CSMD3: variants seen among roughly 807,000 people sequenced by gnomAD.
The protein encoded by CSMD3 is CUB and sushi domain-containing protein 3.
CSMD3 carries 177 observed loss-of-function variants against 435.2 expected under a neutral mutation model. The observed-to-expected ratio is 0.41, with a 90% CI of 0.36 to 0.46. The LOEUF (loss-of-function observed/expected upper bound fraction) is 0.46. CSMD3 is among the 20% of genes least tolerant of loss of function. The pLI, the probability that CSMD3 is intolerant of heterozygous loss-of-function variation, is 0.34. For synonymous variants in CSMD3, 1,656 were observed against 1,520.5 expected (o/e 1.09, Z -2.07); for missense variants, 4,265 against 4,504.6 (o/e 0.95, Z 1.52).
At chr8:113,133,182 A>G (rs927818949) in intron 4 of CSMD3, among the ~76,000 whole-genome samples, 2 of 152,160 alleles carry the variant, frequency 1.3e-5, no homozygotes, top group African/African-American at 4.8e-5. Context: ...GAAATTGATA[A>G]CAAGAGTTTT....
intron 7 of CSMD3, 63 bp downstream of exon 7, chr8:112,975,774 A>G (rs2130930504): frequency 6.2e-7 from 1 of 1,609,904 alleles, no homozygotes; most frequent in East Asian, 2.2e-5. Context: ...TCTAATTAGA[A>G]TCATTACCAA....
intron 2 of CSMD3, among the ~76,000 whole-genome samples, chr8:113,300,763 T>C (rs1157922106): frequency 2.6e-5 from 4 of 152,052 alleles, no homozygotes; most frequent in Non-Finnish European, 4.4e-5. Context: ...GTGATGGGAT[T>C]ATATGTATCC....
chr8:112,934,136 T>G (rs1446260205), intron 9 of CSMD3, among the ~76,000 whole-genome samples: 1 of 152,100 alleles, frequency 6.6e-6, no homozygotes, highest in African/African-American at 2.4e-5. Flanking sequence ...CTAGTTTAAA[T>G]GCAGTCATGA....
chr8:113,093,856 A>G (rs2090081996), intron 5 of CSMD3, among the ~76,000 whole-genome samples: 3 of 152,170 alleles, frequency 2.0e-5, no homozygotes, highest in Admixed American at 2.0e-4. Flanking sequence ...ATAACATTAC[A>G]TAGATTTTCT....
intron 22 of CSMD3, 36 bp from the exon 23 acceptor site, chr8:112,587,271 T>C (rs147304987): frequency 3.9e-5 from 56 of 1,446,820 alleles, no homozygotes; most frequent in Middle Eastern, 1.9e-4. Context: ...TACAGTTTAA[T>C]AGATAGCAGT....
chr8:113,249,944 T>G (rs2132292725), intron 3 of CSMD3, among the ~76,000 whole-genome samples: 1 of 152,204 alleles, frequency 6.6e-6, no homozygotes, highest in South Asian at 2.1e-4. Context: ...AACAGACTAA[T>G]TGTAGAAGTG....
At chr8:113,059,830 T>C (rs1040241232) in intron 5 of CSMD3, among the ~76,000 whole-genome samples, 2 of 152,080 alleles carry the variant, frequency 1.3e-5, no homozygotes, top group East Asian at 3.9e-4. Flanking sequence ...CCCTGGGAAT[T>C]TTCCGTTTAA....
chr8:113,357,808 T>G (rs2094242584), intron 1 of CSMD3, among the ~76,000 whole-genome samples: 1 of 152,124 alleles, frequency 6.6e-6, no homozygotes, highest in Non-Finnish European at 1.5e-5. Flanking sequence ...GTATAGCACT[T>G]CCCCCTTTCC....
rs541959869 is a variant in CSMD3, at chr8:112,436,744, T to C, written c.5396-27712A>G. Among the ~76,000 whole-genome samples the C allele has an allele frequency of 1.7e-4, 26 of 152,164 alleles. 1 individual carries two copies. The highest frequency in any genetic ancestry group is 1.4e-3 in the Admixed American group (21 of 15,280). On this transcript the variant is annotated intron_variant, in intron 32 of 70. Transcript: ENST00000297405. ...CCCTCCTACTTGCATTGTTATTCAG[T>C]AGTAATTGTTTATTTCTAGGTTCTA...
intron 2 of CSMD3, among the ~76,000 whole-genome samples, chr8:113,299,264 G>A (rs1352784838): frequency 6.6e-6 from 1 of 152,078 alleles, no homozygotes; most frequent in Non-Finnish European, 1.5e-5. Flanking sequence ...TTAATAATTT[G>A]TAAATAAGAT....
At chr8:113,400,685 C>T (rs1018807032) in intron 1 of CSMD3, among the ~76,000 whole-genome samples, 6 of 151,794 alleles carry the variant, frequency 4.0e-5, no homozygotes, top group Non-Finnish European at 7.4e-5. Context: ...GTAAGTTAAG[C>T]ATTGATATGA....
At chr8:112,718,960 CTG>C (rs2076795532) in intron 13 of CSMD3, among the ~76,000 whole-genome samples, 1 of 152,070 alleles carries the variant, frequency 6.6e-6, no homozygotes, top group Non-Finnish European at 1.5e-5. Flanking sequence ...AGATTTAAAA[CTG>C]TACACCTGTC....
chr8:112,725,151 C>T (rs1200488034), intron 13 of CSMD3, among the ~76,000 whole-genome samples: 2 of 151,820 alleles, frequency 1.3e-5, no homozygotes, highest in African/African-American at 4.8e-5. Flanking sequence ...GGGGTCAAAA[C>T]AACTTTTTTT....
At chr8:112,262,483 A>G (rs1036145689) in intron 61 of CSMD3, among the ~76,000 whole-genome samples, 4 of 152,182 alleles carry the variant, frequency 2.6e-5, no homozygotes, top group Admixed American at 6.6e-5. Flanking sequence ...TAAACAAGAT[A>G]AGTAAAATGT....
intron 3 of CSMD3, among the ~76,000 whole-genome samples, chr8:113,207,077 G>A (rs1438542110): frequency 6.6e-6 from 1 of 152,070 alleles, no homozygotes; most frequent in South Asian, 2.1e-4. Flanking sequence ...CCATGTATCT[G>A]CATGTTGGTA....
At chr8:113,076,942 ATT>A (rs1366950777) in intron 5 of CSMD3, among the ~76,000 whole-genome samples, 31 of 152,312 alleles carry the variant, frequency 2.0e-4, no homozygotes, top group Non-Finnish European at 8.8e-5. Flanking sequence ...CTGAAGTGAC[ATT>A]ATAGAGATGG....
chr8:112,608,659 A>G (rs1832987841), intron 22 of CSMD3, among the ~76,000 whole-genome samples: 1 of 152,010 alleles, frequency 6.6e-6, no homozygotes, highest in African/African-American at 2.4e-5. Context: ...ATGTGTGTGT[A>G]TATATATTTA....
chr8:113,343,169 T>C (rs1423754346), intron 1 of CSMD3, among the ~76,000 whole-genome samples: 2 of 152,104 alleles, frequency 1.3e-5, no homozygotes, highest in Admixed American at 6.6e-5. Flanking sequence ...TTAGCAGAAA[T>C]TACTCTAAAG....
chr8:113,299,251 T>C (rs2093745263), intron 2 of CSMD3, among the ~76,000 whole-genome samples: 1 of 152,338 alleles, frequency 6.6e-6, no homozygotes, highest in African/African-American at 2.4e-5. Flanking sequence ...TAATGTAGAA[T>C]ATTTAATAAT....
Sources: allele counts gnomAD v4.1 joint callset (sites outside exome capture counted in the v4.1 genomes callset), GRCh38; gene constraint gnomAD v4.1.1; transcripts MANE v1.5; gene names NCBI Gene and HGNC (gene_info 2026-07-23, HGNC 2026-07-21).